The following CPSF4 variants were observed in gnomAD, a reference collection of about 807,000 sequenced individuals.
CPSF4 encodes the protein cleavage and polyadenylation specificity factor subunit 4.
Under a neutral mutation model 37.7 loss-of-function variants are expected in CPSF4, and 11 were observed. The observed-to-expected ratio is 0.29, with a 90% CI of 0.18 to 0.48. CPSF4 has a LOEUF of 0.48. Among genes scored for constraint, CPSF4 ranks in the 20% least tolerant of loss-of-function variants. CPSF4 has a pLI of 0.99. For missense variants in CPSF4, 144 were observed against 359.5 expected, an observed-to-expected ratio of 0.40 and a Z score of 4.85; for synonymous variants, 132 against 135.9, an observed-to-expected ratio of 0.97 and a Z score of 0.20.
chr7:99,452,515 G>A (rs1798005577), intron 6 of CPSF4, 75 bp downstream of exon 6: 7 of 1,386,038 alleles, frequency 5.1e-6, no homozygotes, highest in East Asian at 4.6e-5. Context: ...CCCCAGGGGT[G>A]TGGTCTGCCT....
chr7:99,444,208 G>C (rs979532531), intron 1 of CPSF4, among the ~76,000 whole-genome samples: 1 of 152,150 alleles, frequency 6.6e-6, no homozygotes, highest in African/African-American at 2.4e-5. Flanking sequence ...TGTAATCCCA[G>C]CACTTTGGGA....
chr7:99,452,503 T>TC, intron 6 of CPSF4, 63 bp downstream of exon 6: 1 of 1,453,854 alleles, frequency 6.9e-7, no homozygotes, highest in Non-Finnish European at 9.6e-7. Flanking sequence ...AACCTCAGTG[T>TC]CCCCCAGGGG....
chr7:99,439,661 G>C (rs1277991267), intron 1 of CPSF4: 1 of 153,594 alleles, frequency 6.5e-6, no homozygotes. Context: ...GGTTATCCTG[G>C]ATTGGAACTC....
Position 99,439,133 on chromosome 7 carries a change from C to T in CPSF4, c.51C>T (p.Ile17=). ...ACCACATCAAGTTTGACTTGGAGAT[C>T]GCGGTGGAGCAGCAGCTGGGGGCGC... ...SVDHIKFDLE[I]AVEQQLGAQP... is the part of the protein sequence containing the mutation. The change falls in exon 1 of 8, where the codon ATC becomes ATT. Residue 17 remains isoleucine, a synonymous_variant. Transcript: ENST00000292476. The T allele has an allele frequency of 6.2e-7, 1 of 1,611,318 alleles. No homozygotes were observed. The highest frequency in any genetic ancestry group is 1.1e-5 in the South Asian group (1 of 90,930).
At chr7:99,445,049 G>A (rs1385600637) in intron 2 of CPSF4, among the ~76,000 whole-genome samples, 1 of 152,210 alleles carries the variant, frequency 6.6e-6, no homozygotes, top group Non-Finnish European at 1.5e-5. Flanking sequence ...CTCTAAGGCT[G>A]CCTTATCACT....
At chr7:99,452,924 C>T (rs570372841) in intron 6 of CPSF4, 2 of 154,418 alleles carry the variant, frequency 1.3e-5, no homozygotes, top group South Asian at 2.0e-4. Flanking sequence ...CGCCCCTGCT[C>T]CTGTGGAGTG....
chr7:99,447,127 T>TTACG, intron 2 of CPSF4, among the ~76,000 whole-genome samples: 1 of 151,688 alleles, frequency 6.6e-6, no homozygotes. Flanking sequence ...ACTTACTTAC[T>TTACG]TATTTATTTA....
chr7:99,442,655 C>CAAAAAAAAAAAAAAAAAA (rs751146641), intron 1 of CPSF4, among the ~76,000 whole-genome samples: 1 of 52,504 alleles, frequency 1.9e-5, no homozygotes, highest in African/African-American at 6.5e-5. Context: ...GACTCCGTCT[C>CAAAAAAAAAAAAAAAAAA]AAAAAAAAAA....
At chr7:99,447,271 C>CTTT (rs1351325327) in intron 2 of CPSF4, among the ~76,000 whole-genome samples, 1 of 107,164 alleles carries the variant, frequency 9.3e-6, no homozygotes, top group Non-Finnish European at 1.8e-5. Context: ...TTTTTTTTTT[C>CTTT]TTTTTTTTTT....
intron 1 of CPSF4, chr7:99,442,762 A>G (rs569526139): frequency 1.9e-5 from 12 of 627,694 alleles, no homozygotes; most frequent in Admixed American, 1.1e-4. Flanking sequence ...GGCAGTTCAC[A>G]GTTTTACCTG....
intron 1 of CPSF4, among the ~76,000 whole-genome samples, chr7:99,444,359 A>G (rs528661985): frequency 8.7e-4 from 133 of 152,206 alleles, no homozygotes; most frequent in Middle Eastern, 3.4e-3. Flanking sequence ...TGGGAGGCTG[A>G]GGCAAGAGAA....
chr7:99,452,543 C>A, intron 6 of CPSF4, 103 bp downstream of exon 6: 1 of 1,039,354 alleles, frequency 9.6e-7, no homozygotes, highest in Non-Finnish European at 1.5e-6. Context: ...CGCTGGACAA[C>A]TTGGGAGAGG....
intron 1 of CPSF4, among the ~76,000 whole-genome samples, chr7:99,441,180 A>C (rs1263793679): frequency 2.0e-5 from 3 of 151,820 alleles, no homozygotes; most frequent in Non-Finnish European, 2.9e-5. Context: ...TGAACTCCTG[A>C]CCTTAAATGA....
chr7:99,450,257 C>T lies in CPSF4; in HGVS notation c.308-19C>T, dbSNP rs1797840333. 14 of 1,600,298 alleles carry T rather than the reference C, an allele frequency of 8.7e-6. No homozygotes were observed. Among genetic ancestry groups the T allele is most frequent in the African/African-American group, 1.3e-5 (1 of 74,742 alleles). ...GGCCCCGGCCTTCCCAGTGGTCTCA[C>T]GTCTGAGTTTCCCTGCAGGGGAGTG... On this transcript the variant is annotated intron_variant, in intron 3 of 7. Coordinates refer to ENST00000292476, the MANE Select transcript of CPSF4 (RefSeq NM_006693.4).
At chr7:99,441,105 C>G (rs1796939550) in intron 1 of CPSF4, among the ~76,000 whole-genome samples, 1 of 152,054 alleles carries the variant, frequency 6.6e-6, no homozygotes, top group South Asian at 2.1e-4. Context: ...CGCCCACCAC[C>G]ACGCCCAACT....
intron 4 of CPSF4, 89 bp downstream of exon 4, chr7:99,450,460 G>A: frequency 1.1e-6 from 1 of 935,812 alleles, no homozygotes; most frequent in East Asian, 2.5e-5. Flanking sequence ...TGGTCTACCT[G>A]TCCCAGCAAA....
intron 1 of CPSF4, among the ~76,000 whole-genome samples, chr7:99,440,671 TATA>T (rs1267965666): frequency 1.8e-5 from 2 of 109,038 alleles, no homozygotes; most frequent in Non-Finnish European, 3.3e-5. Context: ...TATATATATA[TATA>T]TTTTTTTTTT....
rs1234944630 is a variant in CPSF4, at chr7:99,450,702, GT to G, written c.405del (p.Leu137SerfsTer13). 2.5e-6 allele frequency: 4 copies of G among 1,612,340 alleles called. No homozygotes were observed. The highest frequency in any genetic ancestry group is 3.4e-6 in the Non-Finnish European group (4 of 1,178,538). ...PWYDRGFCKH[G>X]PLCRHRHTRR... Reference sequence around the variant, plus strand: ...AGTGACCGGACACTTGGCTCTGCAGGTCCCCTCTGCAGGCACCGGCACACAC... The same window carrying G: ...AGTGACCGGACACTTGGCTCTGCAGGCCCCTCTGCAGGCACCGGCACACAC... On this transcript the variant is annotated frameshift_variant and splice_region_variant, in exon 5 of 8. Coordinates refer to ENST00000292476, the MANE Select transcript of CPSF4 (RefSeq NM_006693.4). LOFTEE classifies it high-confidence loss of function.
intron 7 of CPSF4, among the ~76,000 whole-genome samples, chr7:99,455,649 G>T (rs895748385): frequency 6.6e-6 from 1 of 152,348 alleles, no homozygotes; most frequent in East Asian, 1.9e-4. Context: ...GCCCCCAGCT[G>T]CCTCCTGACC....
Sources: gnomAD v4.1 joint callset for allele counts (sites outside exome capture counted in the v4.1 genomes callset) on GRCh38, gnomAD v4.1.1 for gene constraint, MANE v1.5 for transcripts, NCBI Gene and HGNC (gene_info 2026-07-23, HGNC 2026-07-21) for gene names.